The following DNAJB13 variants were observed in gnomAD, a reference collection of about 807,000 sequenced individuals.
The protein encoded by DNAJB13 is DnaJ heat shock protein family (Hsp40) member B13, also known as dnaJ homolog subfamily B member 13.
A neutral mutation model predicts 35.6 loss-of-function variants in DNAJB13; 22 were observed. That is an observed-to-expected ratio of 0.62 (90% confidence interval 0.44 to 0.88). The LOEUF (loss-of-function observed/expected upper bound fraction) is 0.88. Among genes scored for constraint, DNAJB13 ranks in the 40% least tolerant of loss-of-function variants. The pLI, the probability that DNAJB13 is intolerant of heterozygous loss-of-function variation, is 0.00. For missense variants in DNAJB13, 370 were observed against 384.3 expected, an observed-to-expected ratio of 0.96 and a Z score of 0.31; for synonymous variants, 136 against 144.2, an observed-to-expected ratio of 0.94 and a Z score of 0.41.
intron 3 of DNAJB13, chr11:73,964,046 C>T (rs180856567): frequency 2.1e-4 from 32 of 152,286 alleles, no homozygotes; most frequent in African/African-American, 7.5e-4. Context: ...TAGCACCTGA[C>T]GCATAGTAAG....
At chr11:73,952,062 C>G (rs916897247) in intron 1 of DNAJB13, among the ~76,000 whole-genome samples, 1 of 152,188 alleles carries the variant, frequency 6.6e-6, no homozygotes, top group African/African-American at 2.4e-5. Flanking sequence ...AATCCGACAT[C>G]GACACTCCCT....
chr11:73,965,933 A>ATGGGAG, intron 4 of DNAJB13: 1 of 560,326 alleles, frequency 1.8e-6, no homozygotes, highest in East Asian at 3.0e-5. Flanking sequence ...TGGCAACAGG[A>ATGGGAG]TGGGAGTGGG....
At chr11:73,954,000 A>AAATAAT (rs71467812) in intron 1 of DNAJB13, among the ~76,000 whole-genome samples, 2,206 of 136,432 alleles carry the variant, frequency 0.016, 34 homozygotes, top group Middle Eastern at 0.035. Context: ...AATAATAATA[A>AAATAAT]AATAATAATA....
In DNAJB13 at chr11:73,962,329, G is replaced by C. The variant is rs991896246; in HGVS notation, c.335-2549G>C. ...CATCTGACAAGAGTGAGTGTGGATG[G>C]GTGGATGCATGAAATGAAGGAAGGA... On this transcript the variant is annotated intron_variant, in intron 3 of 7. Transcript: ENST00000339764. Among the ~76,000 whole-genome samples the C allele has an allele frequency of 1.1e-4, 17 of 149,508 alleles. No homozygotes were observed. In the Middle Eastern group the frequency reaches 0.01, roughly 90 times the overall value.
intron 1 of DNAJB13, among the ~76,000 whole-genome samples, chr11:73,957,397 C>T (rs544524646): frequency 2.0e-5 from 3 of 152,234 alleles, no homozygotes; most frequent in Non-Finnish European, 4.4e-5. Context: ...TCCCTCCGCT[C>T]CTCCAGCACC....
chr11:73,951,571 A>G (rs1950585057), intron 1 of DNAJB13, among the ~76,000 whole-genome samples: 1 of 152,350 alleles, frequency 6.6e-6, no homozygotes, highest in Middle Eastern at 3.4e-3. Context: ...GAATACTTCC[A>G]TCGGATCTTA....
intron 3 of DNAJB13, among the ~76,000 whole-genome samples, chr11:73,960,511 AG>A (rs1270206296): frequency 1.3e-5 from 2 of 150,724 alleles, no homozygotes; most frequent in African/African-American, 4.9e-5. Context: ...GAGTAGAGAC[AG>A]GGTTTCGCCA....
chr11:73,965,659 C>T (rs1053168565), intron 4 of DNAJB13: 1 of 164,432 alleles, frequency 6.1e-6, no homozygotes, highest in Non-Finnish European at 1.3e-5. Context: ...GTGGAAGGAT[C>T]CCCAGTGGGG....
At chr11:73,963,307 T>C (rs921814589) in intron 3 of DNAJB13, among the ~76,000 whole-genome samples, 20 of 149,802 alleles carry the variant, frequency 1.3e-4, no homozygotes, top group Admixed American at 1.2e-3. Context: ...ATTGCGCCAT[T>C]GCACTCCAGC....
intron 4 of DNAJB13, chr11:73,965,270 G>T: frequency 2.5e-6 from 1 of 399,750 alleles, no homozygotes; most frequent in Non-Finnish European, 4.4e-6. Context: ...TTCCCAACTG[G>T]GACAGGCTCT....
chr11:73,951,667 A>T lies in DNAJB13; in HGVS notation c.68+530A>T, dbSNP rs544667691. On this transcript the variant is annotated intron_variant, in intron 1 of 7. Transcript: ENST00000339764. ...ACATGTTTTTGTTTTTTGTTTTGAG[A>T]CGGAGTCTTGGTCTTGTTGCCCAGG... Among the ~76,000 whole-genome samples, 4 of 152,234 alleles carry T rather than the reference A, an allele frequency of 2.6e-5. No homozygotes were observed. In the South Asian group the frequency reaches 8.3e-4, roughly 32 times the overall value.
At chr11:73,955,711 C>T (rs1193391129) in intron 1 of DNAJB13, among the ~76,000 whole-genome samples, 2 of 152,080 alleles carry the variant, frequency 1.3e-5, no homozygotes, top group Admixed American at 6.5e-5. Context: ...CCTGTAGTTC[C>T]AGCTACTTGA....
intron 4 of DNAJB13, 141 bp from the exon 5 acceptor site, chr11:73,965,997 G>A: frequency 2.6e-6 from 2 of 766,202 alleles, no homozygotes; most frequent in South Asian, 1.7e-5. Context: ...ATTGCTAGAG[G>A]ATTGAGCCCA....
intron 2 of DNAJB13, 66 bp downstream of exon 2, chr11:73,958,486 G>A: frequency 1.4e-6 from 2 of 1,411,560 alleles, no homozygotes; most frequent in South Asian, 2.4e-5. Flanking sequence ...TAGACTGTTG[G>A]GTTTTCTGAG....
At chr11:73,954,927 A>G (rs34289118) in intron 1 of DNAJB13, among the ~76,000 whole-genome samples, 11,991 of 152,126 alleles carry the variant, frequency 0.079, 587 homozygotes, top group African/African-American at 0.13. Flanking sequence ...CTCCAGCCTG[A>G]GCAACAAGAG....
intron 5 of DNAJB13, among the ~76,000 whole-genome samples, chr11:73,967,459 C>T (rs1019578045): frequency 1.3e-5 from 2 of 152,128 alleles, no homozygotes; most frequent in African/African-American, 4.8e-5. Context: ...AAACATCTAC[C>T]TCCGGTCTGG....
At chr11:73,959,115 C>A (rs1308266922) in intron 2 of DNAJB13, among the ~76,000 whole-genome samples, 1 of 152,168 alleles carries the variant, frequency 6.6e-6, no homozygotes, top group Non-Finnish European at 1.5e-5. Context: ...GAATTCTTAG[C>A]TTCTAAAATG....
intron 3 of DNAJB13, among the ~76,000 whole-genome samples, chr11:73,961,766 C>T (rs1950938852): frequency 6.6e-6 from 1 of 152,188 alleles, no homozygotes; most frequent in South Asian, 2.1e-4. Flanking sequence ...GAGCAGATGC[C>T]AAGTGCCAGC....
chr11:73,966,195 G>T lies in DNAJB13; in HGVS notation c.550G>T (p.Val184Leu). 1 of 1,613,888 alleles carries T rather than the reference G, an allele frequency of 6.2e-7. No homozygotes were observed. Among genetic ancestry groups the T allele is most frequent in the Non-Finnish European group, 8.5e-7 (1 of 1,179,994 alleles). Residue 184 changes from valine (V) to leucine (L), a missense_variant, in exon 5 of 8, where the codon GTG (valine) becomes TTG (leucine). By Grantham distance (32) the Val-to-Leu change is conservative. Coordinates refer to ENST00000339764, the MANE Select transcript of DNAJB13 (RefSeq NM_153614.4). ...TIKDKILTID[V>L]KPGWRQGTRI... Reference sequence around the variant, plus strand: ...CAAGGACAAGATCCTGACCATTGATGTGAAGCCCGGTTGGAGGCAGGGCAC... The same window carrying T: ...CAAGGACAAGATCCTGACCATTGATTTGAAGCCCGGTTGGAGGCAGGGCAC...
Sources: allele counts gnomAD v4.1 joint callset (sites outside exome capture counted in the v4.1 genomes callset), GRCh38; gene constraint gnomAD v4.1.1; transcripts MANE v1.5; gene names NCBI Gene and HGNC (gene_info 2026-07-23, HGNC 2026-07-21).